The following ANKRD11 variants were observed in gnomAD, a reference collection of about 807,000 sequenced individuals.
ANKRD11 encodes ankyrin repeat domain 11.
ANKRD11 carries 17 observed loss-of-function variants against 195.7 expected under a neutral mutation model. The ratio of observed to expected loss-of-function variants is 0.09; its 90% CI spans 0.06 to 0.13. The LOEUF (loss-of-function observed/expected upper bound fraction) is 0.13. Among genes scored for constraint, ANKRD11 ranks in the 10% least tolerant of loss-of-function variants. ANKRD11 has a pLI of 1.00. For missense variants in ANKRD11, 3,735 were observed against 3,566.1 expected (o/e 1.05, Z -1.21); for synonymous variants, 1,953 against 1,528.1 (o/e 1.28, Z -6.49).
At chr16:89,322,698 G>A (rs1356867547) in intron 2 of ANKRD11, among the ~76,000 whole-genome samples, 1 of 152,176 alleles carries the variant, frequency 6.6e-6, no homozygotes, top group African/African-American at 2.4e-5. Context: ...AAGGGGGAGT[G>A]AGGAGGAGCT....
At position 89,291,441 on chromosome 16, in the gene ANKRD11, C is replaced by A. The variant is rs1426911337; in HGVS notation, c.227-258G>T. 2.0e-5 allele frequency among the ~76,000 whole-genome samples: 3 copies of A among 152,132 alleles called. No homozygotes were observed. The highest frequency in any genetic ancestry group is 7.2e-5 in the African/African-American group (3 of 41,434). Reference sequence around the variant, plus strand: ...AAGTCTGCTAAGCCTGGGCCTCCACCGAGCATCCACTCACTCCAGGCACCT... The same window carrying A: ...AAGTCTGCTAAGCCTGGGCCTCCACAGAGCATCCACTCACTCCAGGCACCT... On this transcript the variant is annotated intron_variant, in intron 4 of 12. Transcript: ENST00000301030. The surrounding 1 kb of genome is among the most constrained non-coding windows in gnomAD (Gnocchi z 5.3).
intron 1 of ANKRD11, among the ~76,000 whole-genome samples, chr16:89,457,904 A>C (rs567326149): frequency 6.6e-6 from 1 of 152,268 alleles, no homozygotes; most frequent in Non-Finnish European, 1.5e-5. Flanking sequence ...AGCCACGCGA[A>C]CCAATACACA....
intron 2 of ANKRD11, among the ~76,000 whole-genome samples, chr16:89,364,043 C>T (rs959748892): frequency 1.3e-5 from 2 of 151,466 alleles, no homozygotes; most frequent in African/African-American, 4.9e-5. Flanking sequence ...CCTGCCCAGC[C>T]GACCAAGTGA....
At position 89,284,982 on chromosome 16, in the gene ANKRD11, G is replaced by A; in HGVS notation, c.1560C>T (p.Ala520=). 3 of 1,614,102 alleles carry A rather than the reference G, an allele frequency of 1.9e-6. No individual in the cohort carries two copies. The highest frequency in any genetic ancestry group is 2.5e-6 in the Non-Finnish European group (3 of 1,179,998). ...KDPSLFSSLS[A]SSTSSHGSSA... ...AGCTCCCGTGAGACGAGGTGGAGGAGGCAGAGAGGGAGCTGAACAGGGAGG... is the reference window on the plus strand; with the variant it reads ...AGCTCCCGTGAGACGAGGTGGAGGAAGCAGAGAGGGAGCTGAACAGGGAGG... The change falls in exon 9 of 13, where the codon GCC becomes GCT. Residue 520 remains alanine, a synonymous_variant. Transcript: ENST00000301030.
intron 2 of ANKRD11, among the ~76,000 whole-genome samples, chr16:89,374,380 T>TA (rs1310250403): frequency 1.3e-5 from 2 of 151,920 alleles, no homozygotes; most frequent in African/African-American, 2.4e-5. Flanking sequence ...CCTGTTTACA[T>TA]AAAATCTATG....
Position 89,390,355 on chromosome 16 carries a change from G to A in ANKRD11, c.-60+27929C>T, listed in dbSNP as rs564227128. ...AGAAGATCACTGGGGCGAACACCGA[G>A]TGTGGCGGGGAGCACTGAGAGAGAG... On this transcript the variant is annotated intron_variant, in intron 2 of 12. Transcript: ENST00000301030. Among the ~76,000 whole-genome samples the A allele has an allele frequency of 8.5e-5, 13 of 152,246 alleles. No individual in the cohort carries two copies. The South Asian group carries it at 2.7e-3, about 32-fold the overall frequency.
intron 2 of ANKRD11, among the ~76,000 whole-genome samples, chr16:89,355,164 C>T (rs1458827055): frequency 1.3e-5 from 2 of 152,200 alleles, no homozygotes; most frequent in South Asian, 2.1e-4. Context: ...TTGCTCCCAA[C>T]ATACTCCCAT....
intron 11 of ANKRD11, 112 bp downstream of exon 11, chr16:89,274,702 T>C: frequency 6.7e-7 from 1 of 1,493,272 alleles, no homozygotes; most frequent in Non-Finnish European, 9.2e-7. Context: ...CCCTGCAAGG[T>C]GCTGAGCACC....
intron 2 of ANKRD11, among the ~76,000 whole-genome samples, chr16:89,361,195 T>C (rs560657658): frequency 6.6e-6 from 1 of 152,304 alleles, no homozygotes; most frequent in East Asian, 1.9e-4. Context: ...CCACCACCTC[T>C]GCGCACCCCT....
At chr16:89,326,361 A>G (rs533687001) in intron 2 of ANKRD11, among the ~76,000 whole-genome samples, 1 of 151,928 alleles carries the variant, frequency 6.6e-6, no homozygotes, top group Non-Finnish European at 1.5e-5. Flanking sequence ...CGGTCTGCAG[A>G]AGGGGACGCA....
intron 2 of ANKRD11, among the ~76,000 whole-genome samples, chr16:89,385,192 T>G (rs1332020588): frequency 6.7e-6 from 1 of 150,142 alleles, no homozygotes; most frequent in Non-Finnish European, 1.5e-5. Flanking sequence ...AATGGTGTTT[T>G]TTTGTTTGTT....
At position 89,388,430 on chromosome 16, in the gene ANKRD11, T is replaced by A. The variant is rs561459976; in HGVS notation, c.-60+29854A>T. On this transcript the variant is annotated intron_variant, in intron 2 of 12. Transcript: ENST00000301030. ...TAAGCGTGAGCCACCACGCCCAGCC[T>A]CCATGAGGTTGATTTTTAATGTCTT... Among the ~76,000 whole-genome samples the A allele has an allele frequency of 1.1e-4, 17 of 150,884 alleles. No individual in the cohort carries two copies. In the South Asian group the frequency reaches 3.2e-3, roughly 28 times the overall value.
chr16:89,356,124 A>C (rs942321072), intron 2 of ANKRD11, among the ~76,000 whole-genome samples: 2 of 152,204 alleles, frequency 1.3e-5, no homozygotes, highest in African/African-American at 4.8e-5. Context: ...GTTACTATGA[A>C]CTAGTGCTTT....
At chr16:89,313,391 C>T (rs2036728362) in intron 3 of ANKRD11, 1 of 1,286,150 alleles carries the variant, frequency 7.8e-7, no homozygotes, top group Middle Eastern at 2.4e-4. Context: ...TTCTGGGATT[C>T]CGTGGTCGGC....
At chr16:89,394,649 AC>A (rs909554213) in intron 2 of ANKRD11, among the ~76,000 whole-genome samples, 1 of 151,250 alleles carries the variant, frequency 6.6e-6, no homozygotes, top group African/African-American at 2.4e-5. Flanking sequence ...AAAACAAACA[AC>A]CTTTTGTGGA....
chr16:89,335,820 G>A (rs1440547715), intron 2 of ANKRD11, among the ~76,000 whole-genome samples: 1 of 152,186 alleles, frequency 6.6e-6, no homozygotes, highest in Non-Finnish European at 1.5e-5. Flanking sequence ...TTGACCCAGA[G>A]AGTACCTGTG....
At chr16:89,440,973 C>G (rs1477618760) in intron 1 of ANKRD11, among the ~76,000 whole-genome samples, 1 of 152,194 alleles carries the variant, frequency 6.6e-6, no homozygotes, top group Non-Finnish European at 1.5e-5. Context: ...CACAGTGGCT[C>G]ACGCCTGTAA....
chr16:89,383,538 G>A (rs2040757141), intron 2 of ANKRD11, among the ~76,000 whole-genome samples: 1 of 152,250 alleles, frequency 6.6e-6, no homozygotes, highest in Admixed American at 6.5e-5. Context: ...CTGCAAGAAG[G>A]AAGAGCCATG....
intron 2 of ANKRD11, among the ~76,000 whole-genome samples, chr16:89,415,585 T>C (rs1015007003): frequency 1.3e-5 from 2 of 151,578 alleles, no homozygotes; most frequent in Non-Finnish European, 2.9e-5. Flanking sequence ...TTTTAAACCC[T>C]GCATTTTAAT....
Sources: allele counts gnomAD v4.1 joint callset (sites outside exome capture counted in the v4.1 genomes callset), GRCh38; gene constraint gnomAD v4.1.1; non-coding constraint Gnocchi (gnomAD v3.1); transcripts MANE v1.5; gene names NCBI Gene and HGNC (gene_info 2026-07-23, HGNC 2026-07-21).